GPATCH8: variants seen among roughly 807,000 people sequenced by gnomAD.
The protein encoded by GPATCH8 is G patch domain-containing protein 8.
Under a neutral mutation model 118.3 loss-of-function variants are expected in GPATCH8, and 18 were observed. That is an observed-to-expected ratio of 0.15 (90% CI 0.11 to 0.23). GPATCH8 has a LOEUF of 0.23. Ranked by LOEUF, GPATCH8 falls within the 10% of genes least tolerant of loss-of-function variation. The probability of loss-of-function intolerance (pLI) is 1.00; values close to 1 mark genes in which losing one functional copy is unlikely to be tolerated. For missense variants in GPATCH8, 1,631 were observed against 1,873.8 expected (o/e 0.87, Z 2.39); for synonymous variants, 659 against 684.7 (o/e 0.96, Z 0.59).
At chr17:44,401,979 GGGTGA>G (rs2049038984) in intron 7 of GPATCH8, among the ~76,000 whole-genome samples, 1 of 149,620 alleles carries the variant, frequency 6.7e-6, no homozygotes, top group East Asian at 2.0e-4. Flanking sequence ...ACTCCAGTCT[GGGTGA>G]CAGAGCGAGA....
chr17:44,404,149 T>G (rs555337212), intron 7 of GPATCH8, among the ~76,000 whole-genome samples: 99 of 152,190 alleles, frequency 6.5e-4, no homozygotes, highest in African/African-American at 2.3e-3. Flanking sequence ...AGGGGATTCT[T>G]TTTTTTGAGA....
chr17:44,443,858 C>T (rs1208243809), intron 3 of GPATCH8, among the ~76,000 whole-genome samples: 4 of 152,052 alleles, frequency 2.6e-5, no homozygotes, highest in African/African-American at 9.7e-5. Flanking sequence ...TTTGTAGAGA[C>T]GGGATTTCAC....
At chr17:44,486,163 A>G (rs1017916791) in intron 1 of GPATCH8, 1 of 152,202 alleles carries the variant, frequency 6.6e-6, no homozygotes, top group African/African-American at 2.4e-5. Context: ...TTCATACAAG[A>G]CAGTTTTTAT....
At chr17:44,409,047 G>C (rs1036893325) in intron 6 of GPATCH8, 1 of 152,164 alleles carries the variant, frequency 6.6e-6, no homozygotes, top group African/African-American at 2.4e-5. Flanking sequence ...ACATTCTGGC[G>C]ACTTTTTTTT....
rs186976704 is a variant in GPATCH8 at position 44,455,943 on chromosome 17, C to T, written c.193+8529G>A. 3.3e-3 allele frequency among the ~76,000 whole-genome samples: 496 copies of T among 152,118 alleles called. 4 individuals carry two copies. Among genetic ancestry groups the T allele is most frequent in the African/African-American group, 0.011 (458 of 41,508 alleles). On this transcript the variant is annotated intron_variant, in intron 3 of 7. Transcript: ENST00000591680. The stretch of plus-strand genomic sequence containing the variant: ...TGTATTTTTAGTAGAGGTGGGGTTT[C>T]GCCATGTTAGCCAGGCTAGTCTCGA...
At chr17:44,445,566 C>T (rs534178182) in intron 3 of GPATCH8, among the ~76,000 whole-genome samples, 98 of 151,782 alleles carry the variant, frequency 6.5e-4, no homozygotes, top group African/African-American at 2.3e-3. Flanking sequence ...AGTGCAACAG[C>T]GCGATCTCGG....
At chr17:44,446,138 T>C (rs2050871803) in intron 3 of GPATCH8, among the ~76,000 whole-genome samples, 1 of 151,628 alleles carries the variant, frequency 6.6e-6, no homozygotes, top group South Asian at 2.1e-4. Flanking sequence ...TTTGTAGAGA[T>C]GGTGTCTCAC....
Position 44,397,970 on chromosome 17 carries a change from G to A in GPATCH8, c.4107C>T (p.Ala1369=), listed in dbSNP as rs1351716003. The A allele has an allele frequency of 5.0e-6, 8 of 1,614,096 alleles. No homozygotes were observed. The highest frequency in any genetic ancestry group is 3.3e-4 in the Middle Eastern group (2 of 6,062). ...IHIQQPATAS[A]TSITTVQHAI... ...CATGCTGAACAGTTGTGATGGAGGT[G>A]GCAGAGGCTGTAGCTGGCTGCTGAA... is the stretch of plus-strand genomic sequence containing the variant. The change falls in exon 8 of 8, where the codon GCC becomes GCT. Residue 1369 remains alanine (A), a synonymous_variant. Transcript: ENST00000591680.
intron 7 of GPATCH8, 78 bp downstream of exon 7, chr17:44,405,843 T>C: frequency 9.0e-7 from 1 of 1,107,068 alleles, no homozygotes; most frequent in Admixed American, 1.9e-5. Context: ...AAATCTTAAA[T>C]TATAATCTGA....
chr17:44,496,011 G>A (rs1429131198), intron 1 of GPATCH8, among the ~76,000 whole-genome samples: 2 of 152,146 alleles, frequency 1.3e-5, no homozygotes, highest in Non-Finnish European at 2.9e-5. Flanking sequence ...GGGACTACAG[G>A]AGCGCACCAC....
At chr17:44,450,040 C>A (rs767957927) in intron 3 of GPATCH8, among the ~76,000 whole-genome samples, 1 of 152,052 alleles carries the variant, frequency 6.6e-6, no homozygotes, top group Non-Finnish European at 1.5e-5. Flanking sequence ...AAACATATAG[C>A]CATATTTAAT....
At chr17:44,434,531 C>T (rs1449153169) in intron 5 of GPATCH8, among the ~76,000 whole-genome samples, 1 of 152,190 alleles carries the variant, frequency 6.6e-6, no homozygotes, top group Non-Finnish European at 1.5e-5. Flanking sequence ...TGGTGAAACC[C>T]CATCTCTACT....
rs534981561 is a variant in GPATCH8, at chr17:44,502,801, G to A, written c.45+525C>T. 3.3e-5 allele frequency among the ~76,000 whole-genome samples: 5 copies of A among 152,298 alleles called. No homozygotes were observed. The East Asian group carries it at 9.6e-4, about 29-fold the overall frequency. On this transcript the variant is annotated intron_variant, in intron 1 of 7. Transcript: ENST00000591680. ...ACTAACCAATAAGGCGTCTGATAGC[G>A]AAGGCAACCTTTTCCCAGGTAAGGA...
intron 1 of GPATCH8, among the ~76,000 whole-genome samples, chr17:44,476,907 T>C (rs1247603706): frequency 6.6e-6 from 1 of 152,238 alleles, no homozygotes; most frequent in Admixed American, 6.5e-5. Flanking sequence ...CAGGAAGGAA[T>C]AGCTCATAAT....
intron 1 of GPATCH8, among the ~76,000 whole-genome samples, chr17:44,484,625 C>T: frequency 6.6e-6 from 1 of 152,186 alleles, no homozygotes; most frequent in East Asian, 1.9e-4. Context: ...TTATCTTAGA[C>T]TTCCTCTAAT....
chr17:44,457,003 C>T (rs1211038262), intron 3 of GPATCH8, among the ~76,000 whole-genome samples: 1 of 151,982 alleles, frequency 6.6e-6, no homozygotes, highest in Non-Finnish European at 1.5e-5. Context: ...GCTGGGATTA[C>T]AGGCACGCAC....
chr17:44,399,783 C>T lies in GPATCH8; in HGVS notation c.2294G>A (p.Ser765Asn), dbSNP rs201862766. Residue 765 changes from serine to asparagine, a missense_variant, in exon 8 of 8, where the codon AGC becomes AAC. Physicochemically the swap from Ser to Asn is conservative, Grantham distance 46. Coordinates refer to ENST00000591680, the MANE Select transcript of GPATCH8 (RefSeq NM_001002909.4). ...QRRSLPAEEG[S>N]SGKKDEGGGG... is the part of the protein sequence containing the mutation. ...CCCACCTTCATCCTTTTTGCCACTGCTCCCCTCTTCAGCTGGGAGGGATCT... is the reference window on the plus strand; with the variant it reads ...CCCACCTTCATCCTTTTTGCCACTGTTCCCCTCTTCAGCTGGGAGGGATCT... 1.9e-6 allele frequency: 3 copies of T among 1,613,716 alleles called. No homozygotes were observed. The highest frequency in any genetic ancestry group is 2.2e-5 in the East Asian group (1 of 44,820).
At chr17:44,449,753 T>A (rs1370162802) in intron 3 of GPATCH8, among the ~76,000 whole-genome samples, 3 of 152,042 alleles carry the variant, frequency 2.0e-5, no homozygotes, top group Non-Finnish European at 2.9e-5. Context: ...CCTCAGGTGA[T>A]CCGCCCGCCT....
At chr17:44,483,177 ATATATATATATATATATATATATATATAT>A (rs1968452447) in intron 1 of GPATCH8, among the ~76,000 whole-genome samples, 1 of 6,968 alleles carries the variant, frequency 1.4e-4, no homozygotes, top group Non-Finnish European at 2.7e-4. Context: ...AAAAAAAAAA[ATATATATATATATATATATATATATATAT>A]ATATATATAT....
Sources: gnomAD v4.1 joint callset for allele counts (sites outside exome capture counted in the v4.1 genomes callset) on GRCh38, gnomAD v4.1.1 for gene constraint, MANE v1.5 for transcripts, NCBI Gene and HGNC (gene_info 2026-07-23, HGNC 2026-07-21) for gene names.